The following DPP10 variants were observed in gnomAD, a reference collection of about 807,000 sequenced individuals.
The protein encoded by DPP10 is dipeptidyl peptidase like 10.
Under a neutral mutation model 120.9 loss-of-function variants are expected in DPP10, and 33 were observed. The observed-to-expected ratio is 0.27, with a 90% CI of 0.21 to 0.37. The LOEUF is 0.37. Among genes scored for constraint, DPP10 ranks in the 10% least tolerant of loss-of-function variants. The pLI, the probability that DPP10 is intolerant of heterozygous loss-of-function variation, is 1.00. For missense variants in DPP10, 816 were observed against 942.8 expected, an observed-to-expected ratio of 0.87 and a Z score of 1.76; for synonymous variants, 337 against 326.1, an observed-to-expected ratio of 1.03 and a Z score of -0.36.
chr2:115,841,691 T>C (rs972754683), intron 25 of DPP10, among the ~76,000 whole-genome samples: 1 of 152,228 alleles, frequency 6.6e-6, no homozygotes, highest in Non-Finnish European at 1.5e-5. Context: ...TTGTATTTTT[T>C]ATTTGTATTT....
intron 5 of DPP10, among the ~76,000 whole-genome samples, chr2:115,571,826 T>C (rs1052595424): frequency 1.1e-4 from 16 of 149,292 alleles, no homozygotes; most frequent in Non-Finnish European, 3.0e-5. Context: ...GCATTTTTAT[T>C]ATACTTTCCT....
intron 4 of DPP10, among the ~76,000 whole-genome samples, chr2:115,524,711 A>T (rs956841025): frequency 6.6e-6 from 1 of 152,132 alleles, no homozygotes; most frequent in African/African-American, 2.4e-5. Flanking sequence ...TGAAACTATA[A>T]GCTAACGCCT....
intron 1 of DPP10, among the ~76,000 whole-genome samples, chr2:114,834,475 C>T (rs1265041313): frequency 2.0e-5 from 3 of 151,358 alleles, no homozygotes; most frequent in Non-Finnish European, 2.9e-5. Context: ...TATCTACACA[C>T]CTATGTATAT....
At chr2:115,475,909 G>C (rs1428576021) in intron 3 of DPP10, among the ~76,000 whole-genome samples, 1 of 152,148 alleles carries the variant, frequency 6.6e-6, no homozygotes, top group East Asian at 1.9e-4. Flanking sequence ...TTTACCCAAT[G>C]CCTATACCAA....
chr2:114,997,548 C>T (rs1701176350), intron 1 of DPP10, among the ~76,000 whole-genome samples: 1 of 148,248 alleles, frequency 6.7e-6, no homozygotes, highest in African/African-American at 2.5e-5. Context: ...TTCAAGGAAA[C>T]ATTACCTTAA....
intron 4 of DPP10, among the ~76,000 whole-genome samples, chr2:115,520,350 T>A (rs1476481383): frequency 6.6e-6 from 1 of 151,924 alleles, no homozygotes; most frequent in Non-Finnish European, 1.5e-5. Flanking sequence ...AAAGGATATG[T>A]GTGTGAATAT....
intron 5 of DPP10, among the ~76,000 whole-genome samples, chr2:115,597,142 C>T (rs2083039927): frequency 6.6e-6 from 1 of 152,086 alleles, no homozygotes; most frequent in Admixed American, 6.6e-5. Context: ...ACAAACACAA[C>T]AGGAGGAGAC....
At chr2:114,632,807 C>T (rs765749797) in intron 1 of DPP10, among the ~76,000 whole-genome samples, 15 of 151,990 alleles carry the variant, frequency 9.9e-5, no homozygotes, top group African/African-American at 1.9e-4. Flanking sequence ...CCACTGTGCC[C>T]GGCCAGGGGG....
At chr2:115,357,189 A>T (rs1271823730) in intron 3 of DPP10, among the ~76,000 whole-genome samples, 1 of 152,222 alleles carries the variant, frequency 6.6e-6, no homozygotes, top group Non-Finnish European at 1.5e-5. Flanking sequence ...GTGACCTAAT[A>T]GCCTAATGGA....
chr2:115,836,614 A>T, intron 23 of DPP10, 49 bp downstream of exon 23: 1 of 1,608,964 alleles, frequency 6.2e-7, no homozygotes. Flanking sequence ...TTGTTCTAAA[A>T]AATTAGTTAA....
At chr2:115,012,973 T>C (rs113709175) in intron 1 of DPP10, among the ~76,000 whole-genome samples, 1,558 of 152,304 alleles carry the variant, frequency 0.01, 32 homozygotes, top group African/African-American at 0.036. Context: ...TGTCTTTTAA[T>C]TGGGTCATTT....
chr2:115,287,442 C>T (rs1383134061), intron 1 of DPP10, among the ~76,000 whole-genome samples: 2 of 152,052 alleles, frequency 1.3e-5, no homozygotes, highest in Admixed American at 6.6e-5. Flanking sequence ...CCTCACCTCC[C>T]TCCTGAACTT....
At chr2:115,152,966 C>T (rs1472771893) in intron 1 of DPP10, among the ~76,000 whole-genome samples, 5 of 152,050 alleles carry the variant, frequency 3.3e-5, no homozygotes, top group African/African-American at 4.8e-5. Flanking sequence ...TGTGTGAGTT[C>T]TTCTTCTCCT....
At chr2:115,109,276 G>A (rs1444739261) in intron 1 of DPP10, among the ~76,000 whole-genome samples, 2 of 152,104 alleles carry the variant, frequency 1.3e-5, no homozygotes, top group African/African-American at 2.4e-5. Context: ...GGTGGCTCAC[G>A]CGTGTAATCC....
At chr2:115,619,022 T>TA (rs2084736016) in intron 5 of DPP10, among the ~76,000 whole-genome samples, 1 of 135,092 alleles carries the variant, frequency 7.4e-6, no homozygotes, top group South Asian at 2.2e-4. Context: ...AGATAAAACA[T>TA]ATGTGGAGCA....
intron 1 of DPP10, among the ~76,000 whole-genome samples, chr2:114,681,999 G>T (rs1305712181): frequency 6.6e-6 from 1 of 151,966 alleles, no homozygotes; most frequent in African/African-American, 2.4e-5. Context: ...AAAAAGCTCA[G>T]AAGAGATGAG....
intron 5 of DPP10, among the ~76,000 whole-genome samples, chr2:115,592,118 A>G (rs998020388): frequency 6.6e-6 from 1 of 152,156 alleles, no homozygotes; most frequent in Non-Finnish European, 1.5e-5. Flanking sequence ...TTGATAGGAG[A>G]AAAGATGTAC....
intron 1 of DPP10, among the ~76,000 whole-genome samples, chr2:115,246,081 T>G (rs1265593608): frequency 2.0e-5 from 3 of 152,078 alleles, no homozygotes; most frequent in Non-Finnish European, 4.4e-5. Flanking sequence ...GAAGACTACT[T>G]TTGAAATAGA....
intron 1 of DPP10, among the ~76,000 whole-genome samples, chr2:114,626,598 C>T (rs2105354226): frequency 6.6e-6 from 1 of 152,040 alleles, no homozygotes; most frequent in South Asian, 2.1e-4. Context: ...AGACTGAGGG[C>T]TCACCCATCT....
Sources: gnomAD v4.1 joint callset for allele counts (sites outside exome capture counted in the v4.1 genomes callset) on GRCh38, gnomAD v4.1.1 for gene constraint, MANE v1.5 for transcripts, NCBI Gene and HGNC (gene_info 2026-07-23, HGNC 2026-07-21) for gene names.